IQSEC3: variants seen among roughly 807,000 people sequenced by gnomAD.
IQSEC3 encodes IQ motif and SEC7 domain-containing protein 3.
IQSEC3 carries 50 observed loss-of-function variants against 105.4 expected under a neutral mutation model. The ratio of observed to expected loss-of-function variants is 0.47; its 90% confidence interval spans 0.38 to 0.60. The LOEUF (loss-of-function observed/expected upper bound fraction) is 0.60. Among genes scored for constraint, IQSEC3 ranks in the 20% least tolerant of loss-of-function variants. The pLI is 0.00. For synonymous variants in IQSEC3, 708 were observed against 746.0 expected (o/e 0.95, Z 0.83); for missense variants, 1,415 against 1,630.0 (o/e 0.87, Z 2.27).
Position 163,699 on chromosome 12 carries a change from G to A in IQSEC3, c.2709+80G>A, listed in dbSNP as rs986924658. 35 of 859,974 alleles carry A rather than the reference G, an allele frequency of 4.1e-5. No homozygotes were observed. In the East Asian group the frequency reaches 8.6e-4, roughly 21 times the overall value. 53.3% of individuals were successfully genotyped at this position (859,974 alleles called of 1,614,324 possible). A position where few individuals can be genotyped will look rare whatever the true frequency, so the allele number is the denominator to read the frequency against. ...GGTCAGCCTGGGCAGGGTCCCTGAA[G>A]TGGGCAGGAAAGGACGCCCAGAGCT... is the stretch of plus-strand genomic sequence containing the variant. On this transcript the variant is annotated intron_variant, in intron 9 of 13. Transcript: ENST00000538872.
chr12:159,851 C>A (rs537111343), intron 7 of IQSEC3, among the ~76,000 whole-genome samples: 73 of 152,302 alleles, frequency 4.8e-4, no homozygotes, highest in African/African-American at 1.6e-3. Context: ...TTCTTGAACT[C>A]CTGCTATTCT....
At chr12:153,682 G>T (rs1866585559) in intron 5 of IQSEC3, among the ~76,000 whole-genome samples, 1 of 152,182 alleles carries the variant, frequency 6.6e-6, no homozygotes. Flanking sequence ...CATAGCCAGG[G>T]GAAGAACTAC....
intron 2 of IQSEC3, among the ~76,000 whole-genome samples, chr12:103,524 T>G (rs868981743): frequency 3.2e-3 from 4 of 1,242 alleles, no homozygotes; most frequent in Non-Finnish European, 2.6e-3. Flanking sequence ...GGAGGGGAGG[T>G]GGGACTCAGG....
intron 2 of IQSEC3, among the ~76,000 whole-genome samples, chr12:110,326 C>A (rs1368458104): frequency 6.6e-6 from 1 of 151,970 alleles, no homozygotes; most frequent in Non-Finnish European, 1.5e-5. Flanking sequence ...TCCTAAAAGG[C>A]CTTGCCCTAC....
At chr12:93,923 C>T (rs1433864192) in intron 1 of IQSEC3, among the ~76,000 whole-genome samples, 2 of 152,220 alleles carry the variant, frequency 1.3e-5, no homozygotes, top group African/African-American at 4.8e-5. Flanking sequence ...ACTGGCTGCC[C>T]TTCCCCTTCC....
At chr12:88,015 C>G (rs1275124127) in intron 1 of IQSEC3, among the ~76,000 whole-genome samples, 20 of 152,168 alleles carry the variant, frequency 1.3e-4, no homozygotes, top group African/African-American at 1.9e-4. Context: ...CAGGGAGGGG[C>G]ACGCAGCACC....
chr12:138,794 C>T lies in IQSEC3; in HGVS notation c.1431C>T (p.His477=), dbSNP rs1201975264. The T allele has an allele frequency of 1.2e-6, 2 of 1,605,966 alleles. No individual in the cohort carries two copies. Among genetic ancestry groups the T allele is most frequent in the African/African-American group, 1.3e-5 (1 of 74,464 alleles). The change falls in exon 4 of 14, where the codon CAC becomes CAT. Residue 477 remains histidine, a synonymous_variant. Coordinates refer to ENST00000538872, the MANE Select transcript of IQSEC3 (RefSeq NM_001170738.2). The surrounding 1 kb of genome is among the most constrained non-coding windows in gnomAD (Gnocchi z 7.1). ...AGACCCCCGGCCTGCCCCCGGCCCA[C>T]AGCGGGACCCTCATGATGGCTTTCC... The part of the protein sequence containing the change: ...AAETPGLPPA[H]SGTLMMAFRD...
chr12:127,021 A>G (rs1284094505), intron 3 of IQSEC3, among the ~76,000 whole-genome samples: 2 of 152,212 alleles, frequency 1.3e-5, no homozygotes, highest in African/African-American at 2.4e-5. Flanking sequence ...ATTACTAACA[A>G]TATAGTAAGG....
chr12:161,313 A>G (rs1195842584), intron 7 of IQSEC3, among the ~76,000 whole-genome samples: 1 of 152,194 alleles, frequency 6.6e-6, no homozygotes, highest in Non-Finnish European at 1.5e-5. Context: ...ATTTCCTGCC[A>G]GTGTTTTTTT....
chr12:108,774 T>C (rs552425232), intron 2 of IQSEC3, among the ~76,000 whole-genome samples: 1 of 152,348 alleles, frequency 6.6e-6, no homozygotes, highest in East Asian at 1.9e-4. Flanking sequence ...AGCTGCTGGT[T>C]TGAAGAGCTG....
At chr12:155,014 C>T (rs1866639333) in intron 5 of IQSEC3, among the ~76,000 whole-genome samples, 1 of 152,214 alleles carries the variant, frequency 6.6e-6, no homozygotes, top group African/African-American at 2.4e-5. Flanking sequence ...CATCGGACCA[C>T]AGCCTCTTGG....
chr12:132,375 A>C (rs190312586), intron 3 of IQSEC3, among the ~76,000 whole-genome samples: 20 of 152,266 alleles, frequency 1.3e-4, no homozygotes, highest in African/African-American at 4.6e-4. Context: ...AACCAGGAAG[A>C]AGCGTTTTTA....
chr12:158,312 C>CA (rs1228234959), intron 7 of IQSEC3, among the ~76,000 whole-genome samples: 2 of 152,180 alleles, frequency 1.3e-5, no homozygotes, highest in African/African-American at 2.4e-5. Flanking sequence ...CAGAGGCAAC[C>CA]ACTTTTGACT....
intron 2 of IQSEC3, among the ~76,000 whole-genome samples, chr12:116,334 C>T (rs1555080616): frequency 6.6e-6 from 1 of 152,210 alleles, no homozygotes; most frequent in African/African-American, 2.4e-5. Flanking sequence ...CTGGCTGCAG[C>T]CTCATGTGCT....
rs1591683218 is a variant in IQSEC3 at position 124,555 on chromosome 12, G to A, written c.624-1078G>A. On this transcript the variant is annotated intron_variant, in intron 2 of 13. Coordinates refer to ENST00000538872, the MANE Select transcript of IQSEC3 (RefSeq NM_001170738.2). ...TAGGACAAGGGAACCAAGACTCAGA[G>A]GAAAAGCCAGTTGCCCAAAGCCACA... Among the ~76,000 whole-genome samples, 3 of 152,194 alleles carry A rather than the reference G, an allele frequency of 2.0e-5. No homozygotes were observed. The South Asian group carries it at 6.2e-4, about 31-fold the overall frequency.
chr12:103,852 T>TCAGGGGGGAGGCGGGGCTCTG (rs1864543155), intron 2 of IQSEC3, among the ~76,000 whole-genome samples: 1 of 2,708 alleles, frequency 3.7e-4, no homozygotes, highest in Non-Finnish European at 6.7e-4. Flanking sequence ...GTGGAGTTCA[T>TCAGGGGGGAGGCGGGGCTCTG]GAGGGGAGGC....
intron 2 of IQSEC3, among the ~76,000 whole-genome samples, chr12:121,020 A>T (rs1865201013): frequency 6.6e-6 from 1 of 152,140 alleles, no homozygotes; most frequent in African/African-American, 2.4e-5. Flanking sequence ...TCTGCAGCCT[A>T]AGAGAGTGGA....
chr12:98,311 C>T (rs1864303476), intron 1 of IQSEC3, among the ~76,000 whole-genome samples: 1 of 152,178 alleles, frequency 6.6e-6, no homozygotes, highest in African/African-American at 2.4e-5. Flanking sequence ...ATCCTGGCTG[C>T]CTTTAGAATC....
At chr12:70,167 C>A (rs1863257749) in intron 1 of IQSEC3, among the ~76,000 whole-genome samples, 1 of 152,264 alleles carries the variant, frequency 6.6e-6, no homozygotes, top group African/African-American at 2.4e-5. Context: ...TTTCCAGAGG[C>A]CAGGCACTCT....
Sources: gnomAD v4.1 joint callset for allele counts (sites outside exome capture counted in the v4.1 genomes callset) on GRCh38, gnomAD v4.1.1 for gene constraint, Gnocchi (gnomAD v3.1) non-coding constraint, MANE v1.5 for transcripts, NCBI Gene and HGNC (gene_info 2026-07-23, HGNC 2026-07-21) for gene names.